NDUFA10: variants seen among roughly 807,000 people sequenced by gnomAD.
NDUFA10 encodes the protein NADH dehydrogenase [ubiquinone] 1 alpha subcomplex subunit 10, mitochondrial.
Under a neutral mutation model 47.8 loss-of-function variants are expected in NDUFA10, and 40 were observed. The ratio of observed to expected loss-of-function variants is 0.84; its 90% CI spans 0.65 to 1.09. The LOEUF (loss-of-function observed/expected upper bound fraction) is 1.09. Ranked by LOEUF, NDUFA10 falls within the 50% of genes least tolerant of loss-of-function variation. The pLI, the probability that NDUFA10 is intolerant of heterozygous loss-of-function variation, is 0.00. For synonymous variants in NDUFA10, 183 were observed against 172.2 expected (o/e 1.06, Z -0.49); for missense variants, 413 against 451.1 (o/e 0.92, Z 0.76).
At chr2:239,951,097 T>A (rs547757327) in intron 4 of NDUFA10, among the ~76,000 whole-genome samples, 1 of 152,328 alleles carries the variant, frequency 6.6e-6, no homozygotes, top group East Asian at 1.9e-4. Flanking sequence ...ATGCTGACAC[T>A]TCCCGTTTCA....
At chr2:239,982,060 T>C (rs1484247106) in intron 9 of NDUFA10, 1 of 1,607,820 alleles carries the variant, frequency 6.2e-7, no homozygotes, top group Non-Finnish European at 8.5e-7. Context: ...TTCTGTGGAA[T>C]GTCCTCAAAT....
At chr2:239,913,958 C>T (rs1693796692) in intron 4 of NDUFA10, among the ~76,000 whole-genome samples, 1 of 152,228 alleles carries the variant, frequency 6.6e-6, no homozygotes, top group East Asian at 1.9e-4. Flanking sequence ...GTCTGTTCAG[C>T]AGCTCCCCTT....
At chr2:240,009,946 T>C (rs1697078112) in intron 6 of NDUFA10, among the ~76,000 whole-genome samples, 1 of 152,240 alleles carries the variant, frequency 6.6e-6, no homozygotes, top group Admixed American at 6.5e-5. Context: ...AATTCTAAAA[T>C]GCTAATGGCC....
rs947295241 is a variant in NDUFA10, at chr2:240,016,147, G to A, written c.548-1287C>T. 2.6e-5 allele frequency among the ~76,000 whole-genome samples: 4 copies of A among 152,208 alleles called. No individual in the cohort carries two copies. The highest frequency in any genetic ancestry group is 7.2e-5 in the African/African-American group (3 of 41,450). On this transcript the variant is annotated intron_variant, in intron 4 of 9. Transcript: ENST00000252711. This position sits in a 1 kb window ranked among gnomAD's most constrained non-coding sequence, Gnocchi z 4.4. ...GGATGAGCCTTTGGCTCAGGGTCAG[G>A]AACGGCACGAGCTAAAGAACAAGGA...
intron 4 of NDUFA10, among the ~76,000 whole-genome samples, chr2:239,895,643 G>A (rs1359741178): frequency 1.3e-5 from 2 of 152,108 alleles, no homozygotes; most frequent in Non-Finnish European, 2.9e-5. Context: ...GAATGTTACT[G>A]TTCATTTTAT....
chr2:240,023,487 G>A (rs988330386), intron 1 of NDUFA10, among the ~76,000 whole-genome samples: 5 of 152,160 alleles, frequency 3.3e-5, no homozygotes, highest in Non-Finnish European at 7.3e-5. Context: ...CCTAGAGGAC[G>A]CTGGGTCTAC....
intron 4 of NDUFA10, among the ~76,000 whole-genome samples, chr2:239,917,450 C>G (rs1693897181): frequency 6.6e-6 from 1 of 152,130 alleles, no homozygotes; most frequent in Non-Finnish European, 1.5e-5. Flanking sequence ...TTCAAGCATT[C>G]TGTTTTATCT....
At position 239,906,576 on chromosome 2, in the gene NDUFA10, A is replaced by T. The variant is rs1693659334; in HGVS notation, c.295-11262T>A. Among the ~76,000 whole-genome samples the T allele has an allele frequency of 6.6e-6, 1 of 152,164 alleles. No individual in the cohort carries two copies. Among genetic ancestry groups the T allele is most frequent in the African/African-American group, 2.4e-5 (1 of 41,428 alleles). Reference sequence around the variant, plus strand: ...GCTAAAACACAGAGGACAGCCCAAGATTTAAAGAAAATGGCAGTGCACCCC... The same window carrying T: ...GCTAAAACACAGAGGACAGCCCAAGTTTTAAAGAAAATGGCAGTGCACCCC... On this transcript the variant is annotated intron_variant, in intron 4 of 5. Transcript: ENST00000419408. This position sits in a 1 kb window ranked among gnomAD's most constrained non-coding sequence, Gnocchi z 4.3.
intron 9 of NDUFA10, among the ~76,000 whole-genome samples, chr2:239,986,827 C>G (rs1291038102): frequency 1.3e-5 from 2 of 152,142 alleles, no homozygotes; most frequent in Non-Finnish European, 2.9e-5. Flanking sequence ...AAAATACTGA[C>G]TAAATATTAA....
chr2:240,000,961 G>A (rs1413328127), intron 8 of NDUFA10, among the ~76,000 whole-genome samples: 4 of 152,178 alleles, frequency 2.6e-5, no homozygotes, highest in Non-Finnish European at 4.4e-5. Flanking sequence ...TATCCCTGTC[G>A]TTAAGCAACA....
At chr2:239,946,200 C>T (rs4264588) in intron 4 of NDUFA10, among the ~76,000 whole-genome samples, 92,416 of 151,966 alleles carry the variant, frequency 0.61, 28,314 homozygotes, top group African/African-American at 0.68. Flanking sequence ...GCTGGGGCTC[C>T]GTCACCCTCC....
chr2:239,904,047 C>T (rs1346479420), intron 4 of NDUFA10, among the ~76,000 whole-genome samples: 2 of 151,442 alleles, frequency 1.3e-5, no homozygotes, highest in African/African-American at 2.4e-5. Context: ...CTGTCCTGAG[C>T]GCATGGGGTC....
At chr2:239,915,752 C>T (rs912512017) in intron 4 of NDUFA10, among the ~76,000 whole-genome samples, 1 of 151,542 alleles carries the variant, frequency 6.6e-6, no homozygotes, top group African/African-American at 2.4e-5. Flanking sequence ...CACATACACA[C>T]ACAGAACACA....
At chr2:239,985,142 A>C (rs953286877) in intron 9 of NDUFA10, among the ~76,000 whole-genome samples, 1 of 152,214 alleles carries the variant, frequency 6.6e-6, no homozygotes, top group Non-Finnish European at 1.5e-5. Context: ...ACCAATGATG[A>C]GGCCACCAAA....
chr2:240,017,536 T>C lies in NDUFA10; in HGVS notation c.547+1017A>G, dbSNP rs189828931. Among the ~76,000 whole-genome samples the C allele has an allele frequency of 7.9e-5, 12 of 152,212 alleles. No individual in the cohort carries two copies. The East Asian group carries it at 2.1e-3, about 27-fold the overall frequency. On this transcript the variant is annotated intron_variant, in intron 4 of 9. Coordinates refer to ENST00000252711, the MANE Select transcript of NDUFA10 (RefSeq NM_004544.4). ...ACTTTATTACAATGAACCATCCCCA[T>C]TGGTTCAACAGCCCCCAACCCCGGG...
chr2:240,017,386 G>A (rs1269701652), intron 4 of NDUFA10, among the ~76,000 whole-genome samples: 5 of 152,060 alleles, frequency 3.3e-5, no homozygotes, highest in Admixed American at 6.5e-5. Flanking sequence ...CTCCCACTGC[G>A]CTACAGATGA....
At chr2:240,010,830 CT>C (rs1245808227) in intron 6 of NDUFA10, among the ~76,000 whole-genome samples, 2 of 151,508 alleles carry the variant, frequency 1.3e-5, no homozygotes, top group Non-Finnish European at 2.9e-5. Context: ...AAAAATAAAA[CT>C]TTTTTTCTAA....
chr2:239,939,828 C>A (rs961793032), intron 4 of NDUFA10, among the ~76,000 whole-genome samples: 7 of 152,226 alleles, frequency 4.6e-5, no homozygotes, highest in Admixed American at 6.5e-5. Context: ...CGCTGATAAT[C>A]CCAGGTGTGG....
At chr2:239,918,098 G>C (rs904113857) in intron 4 of NDUFA10, among the ~76,000 whole-genome samples, 1 of 152,212 alleles carries the variant, frequency 6.6e-6, no homozygotes, top group African/African-American at 2.4e-5. Flanking sequence ...TGTCTCTGCT[G>C]CCTGGGCCTG....
Sources: allele counts gnomAD v4.1 joint callset (sites outside exome capture counted in the v4.1 genomes callset), GRCh38; gene constraint gnomAD v4.1.1; non-coding constraint Gnocchi (gnomAD v3.1); transcripts MANE v1.5; gene names NCBI Gene and HGNC (gene_info 2026-07-23, HGNC 2026-07-21).